The following LINGO2 variants were observed in gnomAD, a reference collection of about 807,000 sequenced individuals.
LINGO2 encodes the protein leucine-rich repeat and immunoglobulin-like domain-containing nogo receptor-interacting protein 2.
LINGO2 carries 14 observed loss-of-function variants against 30.6 expected under a neutral mutation model. The observed-to-expected ratio is 0.46, with a 90% CI of 0.30 to 0.72. The LOEUF is 0.72. Ranked by LOEUF, LINGO2 falls within the 30% of genes least tolerant of loss-of-function variation. The pLI is 0.07. For synonymous variants in LINGO2, 317 were observed against 288.5 expected, an observed-to-expected ratio of 1.10 and a Z score of -1.00; for missense variants, 729 against 751.7, an observed-to-expected ratio of 0.97 and a Z score of 0.35.
intron 4 of LINGO2, among the ~76,000 whole-genome samples, chr9:28,192,127 C>T (rs187473256): frequency 4.6e-5 from 7 of 152,140 alleles, no homozygotes; most frequent in African/African-American, 1.4e-4. Context: ...GACTCTGCCA[C>T]ATTTCAATAT....
chr9:27,995,395 T>G (rs1035112128), intron 5 of LINGO2, among the ~76,000 whole-genome samples: 1 of 152,164 alleles, frequency 6.6e-6, no homozygotes, highest in Non-Finnish European at 1.5e-5. Context: ...AGGCCAGCTT[T>G]ACCCTGCTAC....
chr9:28,478,480 T>C (rs1002586605), intron 1 of LINGO2, among the ~76,000 whole-genome samples: 6 of 152,078 alleles, frequency 3.9e-5, no homozygotes. Flanking sequence ...ATCCATCACA[T>C]AGGTTACTCT....
exon 6 of LINGO2, chr9:27,949,323 C>A: frequency 1.2e-6 from 2 of 1,614,092 alleles, no homozygotes; most frequent in African/African-American, 1.3e-5. Flanking sequence ...GGTGATGAAA[C>A]GCCTTCGGGG....
chr9:28,202,370 T>G (rs1307717361), intron 4 of LINGO2, among the ~76,000 whole-genome samples: 1 of 152,080 alleles, frequency 6.6e-6, no homozygotes, highest in East Asian at 1.9e-4. Flanking sequence ...ACCTGCACAT[T>G]TTGATGCAGA....
At chr9:28,154,114 G>A (rs1828069942) in intron 4 of LINGO2, among the ~76,000 whole-genome samples, 1 of 152,132 alleles carries the variant, frequency 6.6e-6, no homozygotes. Context: ...CCATAAAGCA[G>A]GTGCCTCTAG....
At chr9:28,188,468 T>C (rs944794746) in intron 4 of LINGO2, among the ~76,000 whole-genome samples, 2 of 152,090 alleles carry the variant, frequency 1.3e-5, no homozygotes, top group Non-Finnish European at 2.9e-5. Flanking sequence ...CAAAGATGAC[T>C]GGGCCAGAGG....
chr9:29,109,330 T>G, the LINGO2 span, among the ~76,000 whole-genome samples: 1 of 152,166 alleles, frequency 6.6e-6, no homozygotes, highest in African/African-American at 2.4e-5. Context: ...TTATGTTAAA[T>G]CTAAAGCTTT....
the LINGO2 span, among the ~76,000 whole-genome samples, chr9:28,952,703 C>A: frequency 6.6e-6 from 1 of 152,082 alleles, no homozygotes; most frequent in Non-Finnish European, 1.5e-5. Flanking sequence ...AGAGAAGTAG[C>A]CACGTTAGAC....
intron 4 of LINGO2, among the ~76,000 whole-genome samples, chr9:28,220,220 T>C (rs1820909849): frequency 6.6e-6 from 1 of 152,282 alleles, no homozygotes; most frequent in East Asian, 1.9e-4. Flanking sequence ...CTGGAACCAA[T>C]TCCCTGTGGA....
At chr9:28,217,172 T>A (rs1328955209) in intron 4 of LINGO2, among the ~76,000 whole-genome samples, 1 of 150,966 alleles carries the variant, frequency 6.6e-6, no homozygotes, top group Non-Finnish European at 1.5e-5. Flanking sequence ...ATATATACTA[T>A]ATGTGAATTG....
intron 1 of LINGO2, among the ~76,000 whole-genome samples, chr9:28,506,457 T>C (rs13297959): frequency 0.014 from 244 of 17,078 alleles, 8 homozygotes; most frequent in Middle Eastern, 0.056. Flanking sequence ...CACACACACA[T>C]ACACATACAC....
chr9:28,184,480 A>C (rs1288362738), intron 4 of LINGO2, among the ~76,000 whole-genome samples: 3 of 152,026 alleles, frequency 2.0e-5, no homozygotes, highest in African/African-American at 7.2e-5. Flanking sequence ...GAACTTCTTA[A>C]GGTTCGACTT....
intron 4 of LINGO2, among the ~76,000 whole-genome samples, chr9:28,055,085 T>C (rs973343641): frequency 1.3e-5 from 2 of 152,114 alleles, no homozygotes; most frequent in Admixed American, 6.6e-5. Context: ...ATCAAAAATT[T>C]CCAAAAACCG....
At chr9:28,741,100 C>T in the LINGO2 span, among the ~76,000 whole-genome samples, 1 of 151,844 alleles carries the variant, frequency 6.6e-6, no homozygotes, top group Non-Finnish European at 1.5e-5. Flanking sequence ...GGGCCTGGGT[C>T]TTGAGTCTCC....
At chr9:28,373,559 A>T (rs1820987595) in intron 2 of LINGO2, among the ~76,000 whole-genome samples, 1 of 152,142 alleles carries the variant, frequency 6.6e-6, no homozygotes, top group South Asian at 2.1e-4. Flanking sequence ...TGAGGAATAA[A>T]GAGGTAAGAG....
At chr9:28,566,158 T>G (rs1487453510) in intron 1 of LINGO2, among the ~76,000 whole-genome samples, 1 of 152,172 alleles carries the variant, frequency 6.6e-6, no homozygotes, top group Non-Finnish European at 1.5e-5. Flanking sequence ...CCTCTTCTCC[T>G]TATTTCCTGA....
At chr9:28,709,500 G>C in the LINGO2 span, among the ~76,000 whole-genome samples, 12 of 151,868 alleles carry the variant, frequency 7.9e-5, no homozygotes, top group African/African-American at 2.9e-4. Context: ...ATCTAAGGCC[G>C]TGTTCCAAGC....
chr9:29,121,466 G>GA, the LINGO2 span, among the ~76,000 whole-genome samples: 1 of 151,838 alleles, frequency 6.6e-6, no homozygotes, highest in African/African-American at 2.4e-5. Context: ...TTCACATAGG[G>GA]AAAAAATTTG....
Position 27,965,932 on chromosome 9 carries a change from G to A in LINGO2, c.-35-15226C>T, listed in dbSNP as rs555968502. On this transcript the variant is annotated intron_variant, in intron 5 of 5. Coordinates refer to ENST00000379992, the Ensembl canonical transcript of LINGO2. Reference sequence around the variant, plus strand: ...TGGCTAAAAGCACATATGCGCAACCGTCAAACTGTGTTTAAATCTTAACCC... The same window carrying A: ...TGGCTAAAAGCACATATGCGCAACCATCAAACTGTGTTTAAATCTTAACCC... Among the ~76,000 whole-genome samples, 19 of 152,070 alleles carry A rather than the reference G, an allele frequency of 1.2e-4. No individual in the cohort carries two copies. In the South Asian group the frequency reaches 2.9e-3, roughly 23 times the overall value.
Sources: gnomAD v4.1 joint callset for allele counts (sites outside exome capture counted in the v4.1 genomes callset) on GRCh38, gnomAD v4.1.1 for gene constraint, MANE v1.5 for transcripts, NCBI Gene and HGNC (gene_info 2026-07-23, HGNC 2026-07-21) for gene names.